The following EYA4 variants were observed in gnomAD, a reference collection of about 807,000 sequenced individuals.
EYA4 encodes the protein protein phosphatase EYA4.
In EYA4, 31 loss-of-function variants were observed where a neutral mutation model predicts 87.9. That is an observed-to-expected ratio of 0.35 (90% CI 0.27 to 0.48). The LOEUF (loss-of-function observed/expected upper bound fraction) is 0.48. EYA4 is among the 20% of genes least tolerant of loss of function. The pLI is 0.99. For missense variants in EYA4, 678 were observed against 761.4 expected (o/e 0.89, Z 1.29); for synonymous variants, 263 against 270.6 (o/e 0.97, Z 0.28).
Position 133,462,361 on chromosome 6 carries a change from C to T in EYA4, c.464C>T (p.Pro155Leu), listed in dbSNP as rs1196704604. The T allele has an allele frequency of 7.4e-6, 12 of 1,613,998 alleles. No homozygotes were observed. The highest frequency in any genetic ancestry group is 1.0e-5 in the Non-Finnish European group (12 of 1,179,910). Residue 155 changes from proline (P) to leucine (L), a missense_variant, in exon 8 of 20, where the codon CCA becomes CTA. Physicochemically the swap from Pro to Leu is moderately conservative, Grantham distance 98. Coordinates refer to ENST00000355286, the MANE Select transcript of EYA4 (RefSeq NM_004100.5). The part of the protein sequence containing the change: ...SKPYPHILST[P>L]AAQTMSAYAG... ...CCCTATCCACACATTCTTTCTACAC[C>T]AGCAGCTCAAACAATGTCTGCCTAT...
chr6:133,453,989 T>TCC (rs770494725), intron 5 of EYA4, among the ~76,000 whole-genome samples: 4 of 152,072 alleles, frequency 2.6e-5, no homozygotes, highest in Non-Finnish European at 5.9e-5. Context: ...CCTTTTGACC[T>TCC]CCCCAAACTT....
intron 3 of EYA4, among the ~76,000 whole-genome samples, chr6:133,415,783 A>G (rs1418972528): frequency 1.8e-4 from 28 of 152,190 alleles, no homozygotes; most frequent in Non-Finnish European, 4.0e-4. Context: ...TTAATTAATT[A>G]ATGTCCAAGG....
chr6:133,297,970 C>T (rs542182801), intron 2 of EYA4, among the ~76,000 whole-genome samples: 9 of 152,190 alleles, frequency 5.9e-5, no homozygotes, highest in South Asian at 4.2e-4. Flanking sequence ...CTTATTACAC[C>T]GAGGCTACAA....
At chr6:133,281,644 G>A (rs1777635853) in intron 2 of EYA4, among the ~76,000 whole-genome samples, 1 of 151,944 alleles carries the variant, frequency 6.6e-6, no homozygotes, top group Non-Finnish European at 1.5e-5. Context: ...AGATTTCAGG[G>A]GTACGTGTGC....
At chr6:133,301,420 T>C (rs746479337) in intron 2 of EYA4, among the ~76,000 whole-genome samples, 7 of 152,200 alleles carry the variant, frequency 4.6e-5, no homozygotes, top group Middle Eastern at 3.2e-3. Flanking sequence ...AGTATGACTT[T>C]TATGATTATC....
intron 2 of EYA4, among the ~76,000 whole-genome samples, chr6:133,320,469 A>G (rs569393759): frequency 7.3e-6 from 1 of 136,952 alleles, no homozygotes; most frequent in East Asian, 2.1e-4. Flanking sequence ...AATTAAATCT[A>G]TATTTTACTT....
chr6:133,483,978 G>A (rs1391495718), intron 13 of EYA4, among the ~76,000 whole-genome samples: 2 of 151,942 alleles, frequency 1.3e-5, no homozygotes, highest in Non-Finnish European at 2.9e-5. Flanking sequence ...CCTGCCCCTC[G>A]GCCTCCAAAG....
chr6:133,450,864 C>T (rs1793373888), intron 5 of EYA4, among the ~76,000 whole-genome samples: 1 of 152,188 alleles, frequency 6.6e-6, no homozygotes, highest in Non-Finnish European at 1.5e-5. Context: ...TTTTATCCTA[C>T]TACATTGGTG....
At chr6:133,331,340 A>G (rs1781944714) in intron 2 of EYA4, among the ~76,000 whole-genome samples, 1 of 152,192 alleles carries the variant, frequency 6.6e-6, no homozygotes, top group Admixed American at 6.5e-5. Context: ...AGTATCATTT[A>G]TTATCAGCAG....
chr6:133,309,064 C>T (rs1242716523), intron 2 of EYA4, among the ~76,000 whole-genome samples: 1 of 151,812 alleles, frequency 6.6e-6, no homozygotes, highest in Non-Finnish European at 1.5e-5. Flanking sequence ...CTTTTTAAAA[C>T]AAAATATAGC....
In EYA4 at chr6:133,329,368, A is replaced by G. The variant is rs143859090; in HGVS notation, c.34-53024A>G. Among the ~76,000 whole-genome samples, 314 of 152,244 alleles carry G rather than the reference A, an allele frequency of 2.1e-3. 1 individual carries two copies. Among genetic ancestry groups the G allele is most frequent in the African/African-American group, 7.3e-3 (303 of 41,594 alleles). ...CCATTTTTACAAATGCTATAGAGGA[A>G]TAAAGAAGAAATGATAATGTGTAAC... On this transcript the variant is annotated intron_variant, in intron 2 of 19. Coordinates refer to ENST00000355286, the MANE Select transcript of EYA4 (RefSeq NM_004100.5).
chr6:133,337,524 T>C (rs1320413904), intron 2 of EYA4, among the ~76,000 whole-genome samples: 1 of 152,190 alleles, frequency 6.6e-6, no homozygotes, highest in Admixed American at 6.5e-5. Flanking sequence ...AGATTTGGTA[T>C]TAGACATCAT....
At chr6:133,400,535 A>G (rs1210469583) in intron 3 of EYA4, among the ~76,000 whole-genome samples, 2 of 151,982 alleles carry the variant, frequency 1.3e-5, no homozygotes, top group Non-Finnish European at 2.9e-5. Context: ...AAAAAATTAT[A>G]TGCTTATATT....
At chr6:133,289,592 C>T (rs1016226383) in intron 2 of EYA4, among the ~76,000 whole-genome samples, 5 of 152,142 alleles carry the variant, frequency 3.3e-5, no homozygotes, top group African/African-American at 9.7e-5. Context: ...ATATGCCTCT[C>T]GTTATCTTTG....
intron 14 of EYA4, chr6:133,510,524 C>T (rs944359001): frequency 3.6e-6 from 1 of 276,360 alleles, no homozygotes; most frequent in Non-Finnish European, 7.3e-6. Flanking sequence ...AATCTCTCCA[C>T]TCTTTTCCTT....
chr6:133,256,236 A>G lies in EYA4; in HGVS notation c.-66+14487A>G, dbSNP rs184926783. On this transcript the variant is annotated intron_variant, in intron 1 of 19. Coordinates refer to ENST00000355286, the MANE Select transcript of EYA4 (RefSeq NM_004100.5). Reference sequence around the variant, plus strand: ...AATTTATATAATTAGTTTCTCACTTAAGAATATTTAGTATTCATTTTTATG... The same window carrying G: ...AATTTATATAATTAGTTTCTCACTTGAGAATATTTAGTATTCATTTTTATG... Among the ~76,000 whole-genome samples the G allele has an allele frequency of 5.9e-5, 9 of 151,436 alleles. No individual in the cohort carries two copies. The East Asian group carries it at 1.5e-3, about 26-fold the overall frequency.
At chr6:133,405,057 A>C (rs1407386250) in intron 3 of EYA4, among the ~76,000 whole-genome samples, 1 of 152,084 alleles carries the variant, frequency 6.6e-6, no homozygotes, top group Non-Finnish European at 1.5e-5. Flanking sequence ...TGCTTCACTG[A>C]GAATCATTTC....
chr6:133,253,527 T>A (rs1013197639), intron 1 of EYA4, among the ~76,000 whole-genome samples: 4 of 152,140 alleles, frequency 2.6e-5, no homozygotes, highest in African/African-American at 9.7e-5. Flanking sequence ...GAACATTTTA[T>A]TTCTTATAAT....
intron 17 of EYA4, among the ~76,000 whole-genome samples, chr6:133,522,141 A>C (rs1800226447): frequency 6.6e-6 from 1 of 150,846 alleles, no homozygotes; most frequent in African/African-American, 2.4e-5. Flanking sequence ...GAAAAAAAAA[A>C]ATTCTGGTGC....
Sources: gnomAD v4.1 joint callset for allele counts (sites outside exome capture counted in the v4.1 genomes callset) on GRCh38, gnomAD v4.1.1 for gene constraint, MANE v1.5 for transcripts, NCBI Gene and HGNC (gene_info 2026-07-23, HGNC 2026-07-21) for gene names.